Variants in RNF13 observed in about 807,000 individuals in gnomAD.
The protein encoded by RNF13 is E3 ubiquitin-protein ligase RNF13.
In RNF13, 19 loss-of-function variants were observed where a neutral mutation model predicts 37.7. That is an observed-to-expected ratio of 0.50 (90% CI 0.35 to 0.74). The LOEUF is 0.74. Among genes scored for constraint, RNF13 ranks in the 30% least tolerant of loss-of-function variants. RNF13 has a pLI of 0.01. For synonymous variants in RNF13, 144 were observed against 157.8 expected (o/e 0.91, Z 0.65); for missense variants, 375 against 453.0 (o/e 0.83, Z 1.56).
intron 1 of RNF13, among the ~76,000 whole-genome samples, chr3:149,818,281 A>C (rs557661235): frequency 6.6e-6 from 1 of 152,310 alleles, no homozygotes; most frequent in East Asian, 1.9e-4. Context: ...AATAAGGTGC[A>C]TTTTCATAAT....
At chr3:149,844,471 ACACT>A (rs2108371196) in intron 1 of RNF13, among the ~76,000 whole-genome samples, 1 of 152,294 alleles carries the variant, frequency 6.6e-6, no homozygotes, top group African/African-American at 2.4e-5. Flanking sequence ...GTTAATATAG[ACACT>A]CTCTGTCTAG....
At chr3:149,867,316 A>G (rs1310830575) in intron 3 of RNF13, among the ~76,000 whole-genome samples, 3 of 151,020 alleles carry the variant, frequency 2.0e-5, no homozygotes, top group African/African-American at 7.3e-5. Context: ...CCCAGGCTGG[A>G]GTGCAGTGGC....
intron 3 of RNF13, among the ~76,000 whole-genome samples, chr3:149,867,127 A>T (rs1711499114): frequency 1.3e-5 from 2 of 151,552 alleles, no homozygotes; most frequent in Admixed American, 6.6e-5. Context: ...ATTGTATTGT[A>T]GTCTCTCTCT....
At position 149,823,869 on chromosome 3, in the gene RNF13, T is replaced by C. The variant is rs1248289748; in HGVS notation, c.-17+10516T>C. Among the ~76,000 whole-genome samples, 6 of 152,306 alleles carry C rather than the reference T, an allele frequency of 3.9e-5. No individual in the cohort carries two copies. In the East Asian group the frequency reaches 1.2e-3, roughly 29 times the overall value. On this transcript the variant is annotated intron_variant, in intron 1 of 9. Coordinates refer to ENST00000392894, the MANE Select transcript of RNF13 (RefSeq NM_183381.3). ...TACGGAGTTAAAGTTGTAAAAACAA[T>C]ACAAAGACCTTTATGTTTTTTGTTA...
chr3:149,841,445 TC>T (rs1259268301), intron 1 of RNF13, among the ~76,000 whole-genome samples: 1 of 152,136 alleles, frequency 6.6e-6, no homozygotes, highest in African/African-American at 2.4e-5. Flanking sequence ...TTTGTAGTTT[TC>T]CCCCAAATTC....
intron 5 of RNF13, among the ~76,000 whole-genome samples, chr3:149,898,169 A>G (rs912649202): frequency 6.6e-6 from 1 of 152,260 alleles, no homozygotes; most frequent in Non-Finnish European, 1.5e-5. Flanking sequence ...GAGAGAAGGT[A>G]TATGAGAAAA....
At chr3:149,883,134 A>G (rs1164421779) in intron 4 of RNF13, among the ~76,000 whole-genome samples, 2 of 152,068 alleles carry the variant, frequency 1.3e-5, no homozygotes, top group Non-Finnish European at 2.9e-5. Context: ...ATTGTGTCCA[A>G]AATATCTCTT....
At chr3:149,825,634 C>T (rs1047613788) in intron 1 of RNF13, among the ~76,000 whole-genome samples, 1 of 152,176 alleles carries the variant, frequency 6.6e-6, no homozygotes, top group Non-Finnish European at 1.5e-5. Flanking sequence ...TCTCTGTTAC[C>T]TGGTGTGCTG....
rs552318770 is a variant in RNF13, at chr3:149,958,542, C to T, written c.701-1514C>T. ...ACCTCAATAAAATGAGCCTTAGAGC[C>T]TTGGCACAGCTTTGAGCCACAGTCA... is the stretch of plus-strand genomic sequence containing the variant. On this transcript the variant is annotated intron_variant, in intron 8 of 9. Transcript: ENST00000392894. 2.6e-5 allele frequency among the ~76,000 whole-genome samples: 4 copies of T among 152,302 alleles called. 1 individual carries two copies. The South Asian group carries it at 6.2e-4, about 24-fold the overall frequency.
chr3:149,904,788 T>C (rs983456), intron 6 of RNF13, among the ~76,000 whole-genome samples: 104,553 of 151,958 alleles, frequency 0.69, 36,737 homozygotes, highest in East Asian at 0.9. Context: ...AAAAAGACTT[T>C]AATTTATTCT....
chr3:149,928,484 T>C (rs937576658), intron 8 of RNF13, among the ~76,000 whole-genome samples: 5 of 152,116 alleles, frequency 3.3e-5, no homozygotes, highest in Non-Finnish European at 5.9e-5. Context: ...GCCATAGATG[T>C]ATGGTTTTAT....
rs141330738 is a variant in RNF13 at position 149,916,975 on chromosome 3, T to TA, written c.607-4158dup. Among the ~76,000 whole-genome samples, 251 of 152,352 alleles carry TA rather than the reference T, an allele frequency of 1.6e-3. 5 individuals carry two copies. The East Asian group carries it at 0.045, about 27-fold the overall frequency. ...CACAACTTTTGATAAGGAAAATTCTTACTTTCATTTGACTTAAATTTAAAA... is the reference window on the plus strand; with the variant it reads ...CACAACTTTTGATAAGGAAAATTCTTAACTTTCATTTGACTTAAATTTAAAA... On this transcript the variant is annotated intron_variant, in intron 7 of 9. Transcript: ENST00000392894.
At chr3:149,952,450 T>G (rs912172564) in intron 8 of RNF13, among the ~76,000 whole-genome samples, 2 of 152,122 alleles carry the variant, frequency 1.3e-5, no homozygotes, top group African/African-American at 4.8e-5. Context: ...TTCCTTTATA[T>G]GTAGGAAAAG....
chr3:149,840,010 T>C (rs186882566), intron 1 of RNF13, among the ~76,000 whole-genome samples: 73 of 152,320 alleles, frequency 4.8e-4, no homozygotes, highest in African/African-American at 1.8e-3. Context: ...TTGTGGTATC[T>C]TATTTATTTT....
Position 149,956,567 on chromosome 3 carries a change from C to T in RNF13, c.701-3489C>T, listed in dbSNP as rs114768039. 5.5e-3 allele frequency among the ~76,000 whole-genome samples: 845 copies of T among 152,262 alleles called. 7 individuals carry two copies. The highest frequency in any genetic ancestry group is 0.014 in the Middle Eastern group (4 of 294). ...TGGATGAACAAGTTTAAAGAGGAGA[C>T]AATCTAAGTTCTGTCCAGCTACATG... is the stretch of plus-strand genomic sequence containing the variant. On this transcript the variant is annotated intron_variant, in intron 8 of 9. Coordinates refer to ENST00000392894, the MANE Select transcript of RNF13 (RefSeq NM_183381.3).
In RNF13 at chr3:149,962,100, A is replaced by G. The variant is rs1242507301; in HGVS notation, c.*996A>G. 1 of 152,638 alleles carries G rather than the reference A, an allele frequency of 6.6e-6. No individual in the cohort carries two copies. Among genetic ancestry groups the G allele is most frequent in the African/African-American group, 2.4e-5 (1 of 41,448 alleles). The allele number at this position is 152,638 out of a possible 1,614,324, so 9.5% of individuals were successfully genotyped here. On this transcript the variant is annotated 3_prime_UTR_variant, in exon 10 of 10. Coordinates refer to ENST00000392894, the MANE Select transcript of RNF13 (RefSeq NM_183381.3). ...TATGGCCTTGTATGAGGGGAGTTTG[A>G]ATGTTAATAAACATGTTTTCCACTT... is the stretch of plus-strand genomic sequence containing the variant.
chr3:149,908,133 G>A (rs1716621004), intron 6 of RNF13, among the ~76,000 whole-genome samples: 1 of 152,070 alleles, frequency 6.6e-6, no homozygotes, highest in Non-Finnish European at 1.5e-5. Flanking sequence ...TGTCAATTTT[G>A]GTCTTTTAAA....
At chr3:149,879,404 G>A (rs867438163) in intron 4 of RNF13, among the ~76,000 whole-genome samples, 3 of 151,346 alleles carry the variant, frequency 2.0e-5, no homozygotes, top group Non-Finnish European at 4.4e-5. Flanking sequence ...ACCTCCTGGG[G>A]CTCAGGCGAT....
chr3:149,871,001 G>A (rs181993156), intron 3 of RNF13, among the ~76,000 whole-genome samples: 1 of 149,130 alleles, frequency 6.7e-6, no homozygotes, highest in East Asian at 2.0e-4. Flanking sequence ...ACAAAAGATA[G>A]ACATTTGATT....
Sources: allele counts gnomAD v4.1 joint callset (sites outside exome capture counted in the v4.1 genomes callset), GRCh38; gene constraint gnomAD v4.1.1; transcripts MANE v1.5; gene names NCBI Gene and HGNC (gene_info 2026-07-23, HGNC 2026-07-21).